THSD7A: variants seen among roughly 807,000 people sequenced by gnomAD.
THSD7A encodes thrombospondin type-1 domain-containing protein 7A.
THSD7A carries 96 observed loss-of-function variants against 231.3 expected under a neutral mutation model. The ratio of observed to expected loss-of-function variants is 0.41; its 90% CI spans 0.35 to 0.49. The LOEUF is 0.49. Ranked by LOEUF, THSD7A falls within the 20% of genes least tolerant of loss-of-function variation. The pLI, the probability that THSD7A is intolerant of heterozygous loss-of-function variation, is 0.05. For missense variants in THSD7A, 2,290 were observed against 2,070.2 expected, an observed-to-expected ratio of 1.11 and a Z score of -2.06; for synonymous variants, 940 against 743.3, an observed-to-expected ratio of 1.26 and a Z score of -4.30.
At chr7:11,639,369 T>C (rs1380232183) in intron 1 of THSD7A, among the ~76,000 whole-genome samples, 1 of 152,190 alleles carries the variant, frequency 6.6e-6, no homozygotes, top group Non-Finnish European at 1.5e-5. Context: ...GGCAGCACTA[T>C]TATTAATAGT....
chr7:11,476,158 G>T (rs1583813959), intron 7 of THSD7A, among the ~76,000 whole-genome samples: 1 of 151,628 alleles, frequency 6.6e-6, no homozygotes, highest in East Asian at 1.9e-4. Flanking sequence ...AATATGCCAG[G>T]CTTAAGTATT....
Position 11,821,009 on chromosome 7 carries a change from C to G in THSD7A, c.190+10748G>C, listed in dbSNP as rs569184510. 1.6e-5 allele frequency: 16 copies of G among 1,023,888 alleles called. No individual in the cohort carries two copies. In the South Asian group the frequency reaches 2.3e-4, roughly 15 times the overall value. The allele number at this position is 1,023,888 out of a possible 1,614,324, so 63.4% of individuals were successfully genotyped here. On this transcript the variant is annotated intron_variant, in intron 1 of 27. Coordinates refer to ENST00000423059, the MANE Select transcript of THSD7A (RefSeq NM_015204.3). ...GATCATCTCTGTATTTTCCCTCAGC[C>G]TTGTAGCCAGGTTTTCTGGGACTTT...
intron 16 of THSD7A, among the ~76,000 whole-genome samples, chr7:11,420,822 C>A (rs1407876719): frequency 1.3e-5 from 2 of 152,210 alleles, no homozygotes; most frequent in Non-Finnish European, 2.9e-5. Flanking sequence ...CCTTGGGAAC[C>A]CACCCCTGTG....
intron 23 of THSD7A, among the ~76,000 whole-genome samples, chr7:11,393,267 G>C (rs1332175797): frequency 6.6e-6 from 1 of 152,184 alleles, no homozygotes; most frequent in South Asian, 2.1e-4. Context: ...TGGACCTCCA[G>C]CAGACCTGCA....
At chr7:11,735,703 T>G (rs1781892205) in intron 1 of THSD7A, among the ~76,000 whole-genome samples, 1 of 151,948 alleles carries the variant, frequency 6.6e-6, no homozygotes, top group African/African-American at 2.4e-5. Context: ...CTGTTTCATC[T>G]AAATGTGTAA....
intron 1 of THSD7A, among the ~76,000 whole-genome samples, chr7:11,640,831 T>C (rs921444714): frequency 6.6e-6 from 1 of 152,270 alleles, no homozygotes; most frequent in Middle Eastern, 3.4e-3. Context: ...ATCTTATTTA[T>C]AACACCATGA....
chr7:11,613,449 C>G (rs1781001887), intron 2 of THSD7A, among the ~76,000 whole-genome samples: 1 of 152,170 alleles, frequency 6.6e-6, no homozygotes, highest in Non-Finnish European at 1.5e-5. Flanking sequence ...AACTCATAGT[C>G]ATGTGATAAT....
Position 11,498,918 on chromosome 7 carries a change from T to C in THSD7A, c.1823-16936A>G, listed in dbSNP as rs1050671542. 2.0e-5 allele frequency among the ~76,000 whole-genome samples: 3 copies of C among 152,068 alleles called. No individual in the cohort carries two copies. In the East Asian group the frequency reaches 5.8e-4, roughly 29 times the overall value. ...AAAGTGGCCAGACTGTTACATGGGT[T>C]CCCGTTCTCATATCTCCTCACTGGG... is the stretch of plus-strand genomic sequence containing the variant. On this transcript the variant is annotated intron_variant, in intron 6 of 27. Coordinates refer to ENST00000423059, the MANE Select transcript of THSD7A (RefSeq NM_015204.3).
chr7:11,415,685 C>G (rs1393250310), intron 17 of THSD7A, among the ~76,000 whole-genome samples: 1 of 152,192 alleles, frequency 6.6e-6, no homozygotes, highest in African/African-American at 2.4e-5. Context: ...GCCTGTCTCT[C>G]TTCCTAAGTG....
In THSD7A at chr7:11,654,493, A is replaced by C. The variant is rs537113220; in HGVS notation, c.191-17532T>G. ...ACTAGAAAAATCTTCTTTTAGCCTGAAGCAATAGATCTTATTCAAAATTAG... is the reference window on the plus strand; with the variant it reads ...ACTAGAAAAATCTTCTTTTAGCCTGCAGCAATAGATCTTATTCAAAATTAG... On this transcript the variant is annotated intron_variant, in intron 1 of 27. Coordinates refer to ENST00000423059, the MANE Select transcript of THSD7A (RefSeq NM_015204.3). Among the ~76,000 whole-genome samples the C allele has an allele frequency of 3.3e-5, 5 of 152,086 alleles. No homozygotes were observed. The South Asian group carries it at 1.0e-3, about 31-fold the overall frequency.
intron 1 of THSD7A, among the ~76,000 whole-genome samples, chr7:11,674,243 G>T (rs531596400): frequency 6.6e-6 from 1 of 152,058 alleles, no homozygotes; most frequent in African/African-American, 2.4e-5. Context: ...TAGAAAGGGG[G>T]TCATCTCTCA....
At chr7:11,453,462 G>C (rs1252486639) in intron 11 of THSD7A, among the ~76,000 whole-genome samples, 1 of 151,718 alleles carries the variant, frequency 6.6e-6, no homozygotes, top group East Asian at 1.9e-4. Context: ...TTGTGGTCTA[G>C]ATTCAAGAAT....
intron 1 of THSD7A, among the ~76,000 whole-genome samples, chr7:11,667,012 T>G (rs1783161623): frequency 6.6e-6 from 1 of 152,150 alleles, no homozygotes; most frequent in African/African-American, 2.4e-5. Flanking sequence ...TTAATTTGTT[T>G]AGGTTTATTC....
rs188661175 is a variant in THSD7A at position 11,605,100 on chromosome 7, C to T, written c.1023-11598G>A. Among the ~76,000 whole-genome samples the T allele has an allele frequency of 9.9e-5, 15 of 152,126 alleles. No individual in the cohort carries two copies. The East Asian group carries it at 2.9e-3, about 29-fold the overall frequency. On this transcript the variant is annotated intron_variant, in intron 2 of 27. Transcript: ENST00000423059. ...GTAGTGGCATAACCTGAACTGTCAC[C>T]TGTAAATCATGTTTGAAAATGCTTT...
intron 11 of THSD7A, among the ~76,000 whole-genome samples, chr7:11,451,985 G>A (rs895730657): frequency 6.6e-6 from 1 of 152,004 alleles, no homozygotes. Flanking sequence ...GCACATAGAA[G>A]TTCATTACAG....
chr7:11,585,524 G>A (rs746843920), intron 4 of THSD7A, among the ~76,000 whole-genome samples: 33 of 152,212 alleles, frequency 2.2e-4, no homozygotes, highest in Middle Eastern at 3.4e-3. Flanking sequence ...AGTTCCCACC[G>A]CATACGTCTG....
intron 2 of THSD7A, among the ~76,000 whole-genome samples, chr7:11,613,431 C>T (rs910608013): frequency 6.6e-6 from 1 of 152,150 alleles, no homozygotes; most frequent in Non-Finnish European, 1.5e-5. Context: ...GCTGTTACGG[C>T]TCAGTGGAAC....
chr7:11,391,189 C>A (rs1157733856), intron 23 of THSD7A, among the ~76,000 whole-genome samples: 1 of 152,230 alleles, frequency 6.6e-6, no homozygotes, highest in Non-Finnish European at 1.5e-5. Context: ...CTAAGCTGCA[C>A]TCACAGTGCC....
chr7:11,767,985 T>A (rs1250659401), intron 1 of THSD7A, among the ~76,000 whole-genome samples: 1 of 152,172 alleles, frequency 6.6e-6, no homozygotes, highest in African/African-American at 2.4e-5. Flanking sequence ...TCAAAATAAA[T>A]ATATTAGCTA....
Sources: allele counts gnomAD v4.1 joint callset (sites outside exome capture counted in the v4.1 genomes callset), GRCh38; gene constraint gnomAD v4.1.1; transcripts MANE v1.5; gene names NCBI Gene and HGNC (gene_info 2026-07-23, HGNC 2026-07-21).